PCDHA11: variants seen among roughly 807,000 people sequenced by gnomAD.
PCDHA11 encodes protocadherin alpha 11, also known as protocadherin alpha-11.
Under a neutral mutation model 70.3 loss-of-function variants are expected in PCDHA11, and 61 were observed. The ratio of observed to expected loss-of-function variants is 0.87; its 90% CI spans 0.71 to 1.07. The LOEUF (loss-of-function observed/expected upper bound fraction) is 1.07, where lower values mean the gene tolerates loss of function less well. PCDHA11 is among the 50% of genes least tolerant of loss of function. The pLI is 0.00. For synonymous variants in PCDHA11, 633 were observed against 555.1 expected, an observed-to-expected ratio of 1.14 and a Z score of -1.97; for missense variants, 1,324 against 1,237.5, an observed-to-expected ratio of 1.07 and a Z score of -1.05.
rs782093100 is a variant in PCDHA11, at chr5:140,871,327, C to G, written c.2224C>G (p.Arg742Gly). The G allele has an allele frequency of 7.4e-6, 12 of 1,614,102 alleles. No individual in the cohort carries two copies. Among genetic ancestry groups the G allele is most frequent in the Admixed American group, 1.7e-5 (1 of 60,020 alleles). ...APGKPTLVCS[R>G]AVGSWSYSQQ... ...GGGGAAGCCCACGCTGGTGTGCTCC[C>G]GCGCGGTGGGGAGCTGGTCATACTC... The change falls in exon 1 of 4, where the codon CGC (arginine) becomes GGC (glycine). Residue 742 changes from arginine (R) to glycine (G), a missense_variant. By Grantham distance (125) the Arg-to-Gly change is moderately radical (BLOSUM62 -2). Transcript: ENST00000398640.
intron 1 of PCDHA11, chr5:140,883,246 AAATATTCCAATGGCGGG>A: frequency 6.2e-7 from 1 of 1,614,082 alleles, no homozygotes; most frequent in Admixed American, 1.7e-5. Context: ...TTGACAAAGG[AAATATTCCAATGGCGGG>A]TCATTGTACC....
intron 2 of PCDHA11, 171 bp from the exon 3 acceptor site, chr5:140,982,304 C>G: frequency 8.0e-7 from 1 of 1,244,768 alleles, no homozygotes. Context: ...AGCAATGCTT[C>G]TGCAGTTTAT....
chr5:140,870,936 G>A lies in PCDHA11; in HGVS notation c.1833G>A (p.Gln611=), dbSNP rs1554164882. The change falls in exon 1 of 4, where the codon CAG becomes CAA. Residue 611 remains glutamine, a synonymous_variant. Coordinates refer to ENST00000398640, the MANE Select transcript of PCDHA11 (RefSeq NM_018902.5). The part of the protein sequence containing the change: ...GYNAWLSYEL[Q]PAAGGSRIPF... ...ACGCGTGGCTTTCATATGAATTGCA[G>A]CCGGCGGCGGGCGGCTCGCGCATCC... The A allele has an allele frequency of 3.1e-6, 5 of 1,613,820 alleles. No individual in the cohort carries two copies. The highest frequency in any genetic ancestry group is 1.1e-5 in the South Asian group (1 of 91,078).
At chr5:140,902,514 T>C (rs1288692863) in intron 1 of PCDHA11, among the ~76,000 whole-genome samples, 1 of 152,128 alleles carries the variant, frequency 6.6e-6, no homozygotes, top group Non-Finnish European at 1.5e-5. Flanking sequence ...CTGTCATATA[T>C]GGTTTTTATT....
chr5:140,994,394 T>C (rs1332946220), intron 3 of PCDHA11, among the ~76,000 whole-genome samples: 1 of 152,110 alleles, frequency 6.6e-6, no homozygotes, highest in African/African-American at 2.4e-5. Flanking sequence ...AGTCAGAGAT[T>C]ATTTGACATT....
At chr5:140,940,731 G>C (rs1195223562) in intron 1 of PCDHA11, among the ~76,000 whole-genome samples, 1 of 152,280 alleles carries the variant, frequency 6.6e-6, no homozygotes, top group South Asian at 2.1e-4. Context: ...CAGCTGGACA[G>C]CTCCATATTT....
chr5:140,976,453 G>A (rs1554237653), intron 1 of PCDHA11, among the ~76,000 whole-genome samples: 1 of 152,032 alleles, frequency 6.6e-6, no homozygotes, highest in Admixed American at 6.6e-5. Flanking sequence ...AGGGAGGCTG[G>A]GGAAGAAGAA....
chr5:140,943,751 TAGG>T (rs1284418706), intron 1 of PCDHA11, among the ~76,000 whole-genome samples: 1 of 152,048 alleles, frequency 6.6e-6, no homozygotes, highest in Non-Finnish European at 1.5e-5. Flanking sequence ...CTAAAAGCAG[TAGG>T]AGATGTAGGA....
chr5:140,983,100 T>C (rs2097027056), intron 3 of PCDHA11, among the ~76,000 whole-genome samples: 1 of 152,232 alleles, frequency 6.6e-6, no homozygotes, highest in African/African-American at 2.4e-5. Flanking sequence ...AATCTGCTTC[T>C]CTCTGCACAT....
At chr5:140,898,930 G>A (rs2067050521) in intron 1 of PCDHA11, among the ~76,000 whole-genome samples, 1 of 152,054 alleles carries the variant, frequency 6.6e-6, no homozygotes, top group African/African-American at 2.4e-5. Context: ...GGATTCCTAA[G>A]TATTTTATTC....
intron 1 of PCDHA11, chr5:140,968,479 C>T (rs2096250195): frequency 1.2e-6 from 2 of 1,614,010 alleles, no homozygotes; most frequent in South Asian, 2.2e-5. Flanking sequence ...ATGTGGTGGA[C>T]ATGAATGACC....
chr5:140,983,378 G>A (rs782292944), intron 3 of PCDHA11, among the ~76,000 whole-genome samples: 1 of 152,162 alleles, frequency 6.6e-6, no homozygotes, highest in Non-Finnish European at 1.5e-5. Flanking sequence ...GAGGCCCATC[G>A]CTGTGGCAGT....
intron 1 of PCDHA11, among the ~76,000 whole-genome samples, chr5:140,935,731 T>C (rs923257790): frequency 2.6e-5 from 4 of 152,202 alleles, no homozygotes; most frequent in Non-Finnish European, 4.4e-5. Context: ...AGAAGTCTAG[T>C]ATCTATTATT....
At position 140,870,851 on chromosome 5, in the gene PCDHA11, C is replaced by G. The variant is rs1562652583; in HGVS notation, c.1748C>G (p.Ser583Trp). ...GGAVNKLVPR[S>W]VGAGHVVAKV... ...GCAGTTAACAAGCTAGTACCGCGGT[C>G]GGTGGGTGCGGGCCACGTGGTGGCG... is the stretch of plus-strand genomic sequence containing the variant. Residue 583 changes from serine (S) to tryptophan (W), a missense_variant, in exon 1 of 4, where the codon TCG becomes TGG. Ser to Trp is a radical substitution (Grantham distance 177). Transcript: ENST00000398640. The G allele has an allele frequency of 1.9e-6, 3 of 1,613,838 alleles. No homozygotes were observed. Among genetic ancestry groups the G allele is most frequent in the Non-Finnish European group, 2.5e-6 (3 of 1,179,894 alleles).
At chr5:140,954,015 C>T (rs1322183660) in intron 1 of PCDHA11, among the ~76,000 whole-genome samples, 4 of 152,136 alleles carry the variant, frequency 2.6e-5, no homozygotes, top group African/African-American at 7.2e-5. Context: ...AGCTCCCACA[C>T]ATAGTGGGAC....
Position 140,871,329 on chromosome 5 carries a change from C to T in PCDHA11, c.2226C>T (p.Arg742=), listed in dbSNP as rs1164407502. Residue 742 remains arginine (R), a synonymous_variant, in exon 1 of 4, where the codon CGC becomes CGT. Transcript: ENST00000398640. The part of the protein sequence containing the change: ...APGKPTLVCS[R]AVGSWSYSQQ... ...GGAAGCCCACGCTGGTGTGCTCCCG[C>T]GCGGTGGGGAGCTGGTCATACTCGC... The T allele has an allele frequency of 1.9e-6, 3 of 1,614,060 alleles. No homozygotes were observed. The highest frequency in any genetic ancestry group is 2.7e-5 in the African/African-American group (2 of 75,048).
At chr5:140,953,620 T>G (rs1207803220) in intron 1 of PCDHA11, among the ~76,000 whole-genome samples, 1 of 152,146 alleles carries the variant, frequency 6.6e-6, no homozygotes, top group Non-Finnish European at 1.5e-5. Context: ...CTTAGATATT[T>G]GCTTTATGTA....
At chr5:140,882,385 A>G in intron 1 of PCDHA11, 1 of 1,614,234 alleles carries the variant, frequency 6.2e-7, no homozygotes, top group Non-Finnish European at 8.5e-7. Flanking sequence ...CCGAGGAAGC[A>G]AAACACGGCA....
chr5:140,961,622 A>G (rs2095624628), intron 1 of PCDHA11, among the ~76,000 whole-genome samples: 1 of 152,218 alleles, frequency 6.6e-6, no homozygotes, highest in Non-Finnish European at 1.5e-5. Flanking sequence ...AAGTGCCCAT[A>G]TGAAAAACAA....
Sources: allele counts gnomAD v4.1 joint callset (sites outside exome capture counted in the v4.1 genomes callset), GRCh38; gene constraint gnomAD v4.1.1; transcripts MANE v1.5; gene names NCBI Gene and HGNC (gene_info 2026-07-23, HGNC 2026-07-21).